Variants in CLIP1 observed in about 807,000 individuals in gnomAD.
The protein encoded by CLIP1 is CAP-Gly domain-containing linker protein 1.
Under a neutral mutation model 161.6 loss-of-function variants are expected in CLIP1, and 66 were observed. The ratio of observed to expected loss-of-function variants is 0.41; its 90% CI spans 0.33 to 0.50. The LOEUF (loss-of-function observed/expected upper bound fraction) is 0.50, where lower values mean the gene tolerates loss of function less well. Ranked by LOEUF, CLIP1 falls within the 20% of genes least tolerant of loss-of-function variation. The probability of loss-of-function intolerance (pLI) is 0.27; values close to 1 mark genes in which losing one functional copy is unlikely to be tolerated. For missense variants in CLIP1, 1,376 were observed against 1,702.0 expected (o/e 0.81, Z 3.37); for synonymous variants, 598 against 626.2 (o/e 0.96, Z 0.67).
chr12:122,395,434 G>A (rs527643727), intron 1 of CLIP1: 1 of 152,272 alleles, frequency 6.6e-6, no homozygotes, highest in East Asian at 1.9e-4. Flanking sequence ...CTCATATCCT[G>A]CCAGAAGCTG....
Position 122,378,051 on chromosome 12 carries a change from A to G in CLIP1, c.86-91T>C, listed in dbSNP as rs1954828681. 4.5e-6 allele frequency: 5 copies of G among 1,114,096 alleles called. No homozygotes were observed. The South Asian group carries it at 7.6e-5, about 17-fold the overall frequency. The allele number at this position is 1,114,096 out of a possible 1,614,324, so 69.0% of individuals were successfully genotyped here. A position where few individuals can be genotyped will look rare whatever the true frequency, so the allele number is the denominator to read the frequency against. On this transcript the variant is annotated intron_variant, in intron 2 of 25. Transcript: ENST00000620786. The stretch of plus-strand genomic sequence containing the variant: ...AAACTAGAGAAAGCCAACAGCCCAC[A>G]GGAGTAGCCCAGAACTCTTAGAAAG...
At chr12:122,342,479 T>G (rs1593114975) in intron 10 of CLIP1, 1 of 152,164 alleles carries the variant, frequency 6.6e-6, no homozygotes, top group Non-Finnish European at 1.5e-5. Flanking sequence ...TGAAGTGAGG[T>G]GTGGTATAAG....
rs111927486 is a variant in CLIP1 at position 122,320,484 on chromosome 12, G to A, written c.3250-1136C>T. On this transcript the variant is annotated intron_variant, in intron 17 of 25. Coordinates refer to ENST00000620786, the MANE Select transcript of CLIP1 (RefSeq NM_001247997.2). ...AGGCCAGGCGCAGTGGCTCATGCCT[G>A]TAATCCTAGCACTTTGGGAGGCCGA... 3.7e-3 allele frequency among the ~76,000 whole-genome samples: 567 copies of A among 151,888 alleles called. 2 individuals carry two copies. The highest frequency in any genetic ancestry group is 0.013 in the African/African-American group (524 of 41,440).
chr12:122,278,660 A>T, intron 23 of CLIP1, 132 bp downstream of exon 23: 2 of 925,398 alleles, frequency 2.2e-6, no homozygotes, highest in Non-Finnish European at 3.2e-6. Context: ...TTGATTGATT[A>T]AGTGGTGGAA....
chr12:122,341,719 A>T (rs1352806270), intron 10 of CLIP1, 22 bp from the exon 11 acceptor site: 1 of 1,254,736 alleles, frequency 8.0e-7, no homozygotes, highest in African/African-American at 1.5e-5. Flanking sequence ...AGTCCAAAGA[A>T]AAAAAGATCA....
Position 122,387,770 on chromosome 12 carries a change from A to T in CLIP1, c.-106-7212T>A, listed in dbSNP as rs1479620936. ...CTTGGCCAAATTTTTATTTTTTTGTAGAAGTGCGGTCTGCTATGTTGCCCA... is the reference window on the plus strand; with the variant it reads ...CTTGGCCAAATTTTTATTTTTTTGTTGAAGTGCGGTCTGCTATGTTGCCCA... On this transcript the variant is annotated intron_variant, in intron 1 of 25. Coordinates refer to ENST00000620786, the MANE Select transcript of CLIP1 (RefSeq NM_001247997.2). 1.9e-4 allele frequency among the ~76,000 whole-genome samples: 29 copies of T among 151,120 alleles called. No homozygotes were observed. The Admixed American group carries it at 1.9e-3, about 10-fold the overall frequency.
chr12:122,312,356 C>T (rs1241199851), intron 19 of CLIP1, among the ~76,000 whole-genome samples: 1 of 152,186 alleles, frequency 6.6e-6, no homozygotes, highest in African/African-American at 2.4e-5. Context: ...TAACCGAAAT[C>T]AAGCAAGAGC....
At chr12:122,356,866 C>T (rs1566164993) in intron 5 of CLIP1, among the ~76,000 whole-genome samples, 1 of 152,264 alleles carries the variant, frequency 6.6e-6, no homozygotes, top group Non-Finnish European at 1.5e-5. Flanking sequence ...TCTCCAGCTC[C>T]TAACTGCGAG....
At chr12:122,345,920 G>C (rs1009587197) in intron 10 of CLIP1, among the ~76,000 whole-genome samples, 4 of 151,912 alleles carry the variant, frequency 2.6e-5, no homozygotes, top group Non-Finnish European at 5.9e-5. Context: ...CTAGTAGCTG[G>C]GATTACAGGC....
intron 3 of CLIP1, among the ~76,000 whole-genome samples, chr12:122,367,950 C>A (rs1215120102): frequency 6.6e-6 from 1 of 152,120 alleles, no homozygotes; most frequent in Non-Finnish European, 1.5e-5. Context: ...TGCACTCCAG[C>A]CTGGACAAGA....
At chr12:122,391,926 A>T (rs1955678416) in intron 1 of CLIP1, among the ~76,000 whole-genome samples, 1 of 152,184 alleles carries the variant, frequency 6.6e-6, no homozygotes, top group Non-Finnish European at 1.5e-5. Context: ...TTTTCCTCTC[A>T]GATATCACTT....
chr12:122,365,378 T>A (rs966439672), intron 3 of CLIP1: 11 of 900,160 alleles, frequency 1.2e-5, no homozygotes, highest in Non-Finnish European at 1.9e-5. Context: ...GTTGGCATTG[T>A]TGTAAACAAA....
chr12:122,303,656 T>G (rs1950768729), intron 20 of CLIP1, among the ~76,000 whole-genome samples: 1 of 152,174 alleles, frequency 6.6e-6, no homozygotes, highest in South Asian at 2.1e-4. Context: ...TCCTCAGCCT[T>G]GGGGCACGCA....
chr12:122,277,938 C>T (rs1407653995), intron 24 of CLIP1: 2 of 524,698 alleles, frequency 3.8e-6, no homozygotes, highest in Non-Finnish European at 6.7e-6. Context: ...TAACTGTTTG[C>T]AGGGTTGGGA....
intron 9 of CLIP1, 80 bp from the exon 10 acceptor site, chr12:122,347,559 C>A: frequency 9.6e-7 from 1 of 1,041,804 alleles, no homozygotes; most frequent in Non-Finnish European, 1.5e-6. Flanking sequence ...CAGCGGCATG[C>A]AGGCTGAGCC....
chr12:122,351,232 T>G, intron 8 of CLIP1, 89 bp from the exon 9 acceptor site: 1 of 795,516 alleles, frequency 1.3e-6, no homozygotes, highest in Non-Finnish European at 1.9e-6. Context: ...CAAGATAACT[T>G]TATTTGATTA....
Position 122,341,617 on chromosome 12 carries a change from G to A in CLIP1, c.1587C>T (p.Leu529=). Residue 529 remains leucine (L), a synonymous_variant, in exon 11 of 26, where the codon CTC becomes CTT. Transcript: ENST00000620786. The stretch of plus-strand genomic sequence containing the variant: ...GCTTATTGGACTCTAGCCTTCTTCG[G>A]AGCTCAGCTACTTCCTGTACTCTCA... ...LALRVQEVAE[L]RRRLESNKPA... is the part of the protein sequence containing the mutation. The A allele has an allele frequency of 1.2e-6, 2 of 1,613,160 alleles. No homozygotes were observed.
intron 3 of CLIP1, among the ~76,000 whole-genome samples, chr12:122,376,270 C>G (rs1430189734): frequency 6.6e-6 from 1 of 152,052 alleles, no homozygotes; most frequent in Non-Finnish European, 1.5e-5. Flanking sequence ...CAGGGTCTCA[C>G]TTTGTTGCCC....
In CLIP1 at chr12:122,398,716, T is replaced by A. The variant is rs568101352; in HGVS notation, c.-106-18158A>T. ...AACCCCATCTCTAAAAAAAAAAAAT[T>A]TTTTTTAATTAGCCGGGCATGGTGG... On this transcript the variant is annotated intron_variant, in intron 1 of 25. Transcript: ENST00000620786. Among the ~76,000 whole-genome samples, 271 of 151,502 alleles carry A rather than the reference T, an allele frequency of 1.8e-3. 2 individuals carry two copies. Among genetic ancestry groups the A allele is most frequent in the African/African-American group, 6.4e-3 (264 of 41,342 alleles).
Sources: allele counts gnomAD v4.1 joint callset (sites outside exome capture counted in the v4.1 genomes callset), GRCh38; gene constraint gnomAD v4.1.1; transcripts MANE v1.5; gene names NCBI Gene and HGNC (gene_info 2026-07-23, HGNC 2026-07-21).